RBM44: variants seen among roughly 807,000 people sequenced by gnomAD.
The protein encoded by RBM44 is RNA binding motif protein 44, also known as RNA-binding protein 44.
In RBM44, 66 loss-of-function variants were observed where a neutral mutation model predicts 105.1. The observed-to-expected ratio is 0.63, with a 90% confidence interval of 0.52 to 0.77. The LOEUF (loss-of-function observed/expected upper bound fraction) is 0.77. Among genes scored for constraint, RBM44 ranks in the 30% least tolerant of loss-of-function variants. RBM44 has a pLI of 0.00. For missense variants in RBM44, 1,122 were observed against 1,207.8 expected (o/e 0.93, Z 1.05); for synonymous variants, 365 against 417.6 (o/e 0.87, Z 1.54).
In RBM44 at chr2:237,829,297, A is replaced by G; in HGVS notation, c.2681A>G (p.Lys894Arg). ...KEMNGIEING[K>R]SVNVWPVKIL... ...ATGAATGGGATAGAAATAAATGGAA[A>G]GTCAGTAAATGTGTGGCCTGTTAAA... The change falls in exon 13 of 16, where the codon AAG becomes AGG. Residue 894 changes from lysine to arginine, a missense_variant. Physicochemically the swap from Lys to Arg is conservative, Grantham distance 26. This residue lies in a region of RBM44 where 194 missense variants were observed against 225.5 expected (regional missense o/e 0.86). Coordinates refer to ENST00000316997, the MANE Select transcript of RBM44 (RefSeq NM_001080504.3). 2 of 1,613,392 alleles carry G rather than the reference A, an allele frequency of 1.2e-6. No individual in the cohort carries two copies. The highest frequency in any genetic ancestry group is 4.5e-5 in the East Asian group (2 of 44,866).
rs1240702750 is a variant in RBM44 at position 237,817,538 on chromosome 2, A to G, written c.619A>G (p.Lys207Glu). The change falls in exon 3 of 16, where the codon AAA (lysine) becomes GAA (glutamate). Residue 207 changes from lysine (K) to glutamate (E), a missense_variant. Transcript: ENST00000316997. Reference protein sequence around the residue: ...ISNHLSFDQTKALDISNPEVV... With the variant: ...ISNHLSFDQTEALDISNPEVV... ...TAACCATTTATCTTTTGACCAAACA[A>G]AAGCATTAGATATATCTAATCCAGA... 1.9e-6 allele frequency: 3 copies of G among 1,611,124 alleles called. No individual in the cohort carries two copies. The highest frequency in any genetic ancestry group is 2.7e-5 in the African/African-American group (2 of 74,972).
At chr2:237,808,459 TC>T (rs560291812) in intron 1 of RBM44, among the ~76,000 whole-genome samples, 25 of 137,566 alleles carry the variant, frequency 1.8e-4, no homozygotes, top group Non-Finnish European at 3.6e-4. Flanking sequence ...CCTCACCCTC[TC>T]CCCCCAAAAA....
At chr2:237,831,986 C>T (rs2061908478) in intron 13 of RBM44, among the ~76,000 whole-genome samples, 1 of 152,084 alleles carries the variant, frequency 6.6e-6, no homozygotes, top group African/African-American at 2.4e-5. Flanking sequence ...CCTGCCTCTG[C>T]TCTCCCTGTG....
rs370973322 is a variant in RBM44, at chr2:237,800,919, G to A, written c.-19+2058G>A. ...TTTTTAGTAGAGACGGGTTTTCACC[G>A]TGTTGGCCAGGCTAGTCTCAAACTC... On this transcript the variant is annotated intron_variant, in intron 1 of 15. Coordinates refer to ENST00000316997, the MANE Select transcript of RBM44 (RefSeq NM_001080504.3). Among the ~76,000 whole-genome samples, 210 of 152,224 alleles carry A rather than the reference G, an allele frequency of 1.4e-3. 1 individual carries two copies. The highest frequency in any genetic ancestry group is 2.5e-3 in the Non-Finnish European group (168 of 68,004).
intron 13 of RBM44, among the ~76,000 whole-genome samples, chr2:237,832,953 A>T (rs965498878): frequency 1.3e-5 from 2 of 152,206 alleles, no homozygotes; most frequent in African/African-American, 2.4e-5. Flanking sequence ...ATACAGAAAA[A>T]TTTTTAGAAC....
chr2:237,800,451 A>G (rs1345566981), intron 1 of RBM44, among the ~76,000 whole-genome samples: 2 of 152,230 alleles, frequency 1.3e-5, no homozygotes, highest in Non-Finnish European at 2.9e-5. Flanking sequence ...GGGTGTCTTC[A>G]TATTTAAGAA....
intron 9 of RBM44, 97 bp downstream of exon 9, chr2:237,823,651 CTTAA>C (rs1275563646): frequency 1.6e-6 from 1 of 613,464 alleles, no homozygotes; most frequent in Non-Finnish European, 2.9e-6. Context: ...AATAAATTTT[CTTAA>C]TTGATGGAAA....
chr2:237,804,712 C>T (rs1417410410), intron 1 of RBM44, among the ~76,000 whole-genome samples: 5 of 152,184 alleles, frequency 3.3e-5, no homozygotes, highest in Admixed American at 3.3e-4. Flanking sequence ...GTAGCAGATG[C>T]ATAGTTTGCA....
At chr2:237,806,256 C>G (rs1299500021) in intron 1 of RBM44, among the ~76,000 whole-genome samples, 1 of 151,982 alleles carries the variant, frequency 6.6e-6, no homozygotes, top group Non-Finnish European at 1.5e-5. Flanking sequence ...GTCTCTTTTT[C>G]TTAGATACGT....
chr2:237,817,879 A>G lies in RBM44; in HGVS notation c.960A>G (p.Lys320=), dbSNP rs2061737877. Residue 320 remains lysine, a synonymous_variant, in exon 3 of 16, where the codon AAA becomes AAG. Transcript: ENST00000316997. ...AGAGTGGTTCCTTGAGCCCTCAAAA[A>G]GTATTAAAAATGAAAATTTATACTG... The part of the protein sequence containing the change: ...QSKSGSLSPQ[K]VLKMKIYTEN... The G allele has an allele frequency of 1.3e-6, 2 of 1,598,614 alleles. No individual in the cohort carries two copies. Among genetic ancestry groups the G allele is most frequent in the African/African-American group, 1.4e-5 (1 of 73,558 alleles).
chr2:237,821,214 A>G lies in RBM44; in HGVS notation c.2057A>G (p.Glu686Gly). The change falls in exon 6 of 16, where the codon GAA becomes GGA. Residue 686 changes from glutamate to glycine, a missense_variant. By Grantham distance (98) the Glu-to-Gly change is moderately conservative. Coordinates refer to ENST00000316997, the MANE Select transcript of RBM44 (RefSeq NM_001080504.3). ...GAAGAGCTGCCCCCACTGTCACTAG[A>G]ATCAAAATTATTATCTACCTTCTCT... ...PLEELPPLSL[E>G]SKLLSTFSTF... is the part of the protein sequence containing the mutation. 1 of 1,608,214 alleles carries G rather than the reference A, an allele frequency of 6.2e-7. No individual in the cohort carries two copies. Among genetic ancestry groups the G allele is most frequent in the Non-Finnish European group, 8.5e-7 (1 of 1,177,242 alleles).
intron 1 of RBM44, among the ~76,000 whole-genome samples, chr2:237,806,327 G>A (rs1360350273): frequency 1.3e-5 from 2 of 152,126 alleles, no homozygotes; most frequent in Admixed American, 6.5e-5. Flanking sequence ...ACAATTTCTG[G>A]TTCTATTAAC....
rs1285814131 is a variant in RBM44 at position 237,842,001 on chromosome 2, T to C, written c.*185T>C. Reference sequence around the variant, plus strand: ...CCTTTAAAATCTAGCAACAGTTGTCTATACAATATTAAGATCTTCTCTATA... The same window carrying C: ...CCTTTAAAATCTAGCAACAGTTGTCCATACAATATTAAGATCTTCTCTATA... On this transcript the variant is annotated 3_prime_UTR_variant, in exon 16 of 16. Transcript: ENST00000316997. The C allele has an allele frequency of 2.0e-5, 3 of 152,118 alleles. No homozygotes were observed. Among genetic ancestry groups the C allele is most frequent in the Non-Finnish European group, 4.4e-5 (3 of 67,968 alleles). 9.4% of individuals were successfully genotyped at this position (152,118 alleles called of 1,614,324 possible). A position where few individuals can be genotyped will look rare whatever the true frequency, so the allele number is the denominator to read the frequency against.
At chr2:237,827,540 G>A in intron 12 of RBM44, 37 bp downstream of exon 12, 2 of 1,162,928 alleles carry the variant, frequency 1.7e-6, no homozygotes, top group Admixed American at 2.1e-5. Context: ...GCATTATTAT[G>A]TGTCTGCTGT....
intron 5 of RBM44, chr2:237,820,756 A>T (rs893204842): frequency 1.9e-5 from 5 of 265,360 alleles, no homozygotes; most frequent in African/African-American, 1.1e-4. Flanking sequence ...GTAAAATTAG[A>T]ACCAAGTGGG....
At chr2:237,834,474 C>A in intron 15 of RBM44, 51 bp downstream of exon 15, 1 of 852,974 alleles carries the variant, frequency 1.2e-6, no homozygotes, top group Non-Finnish European at 1.7e-6. Context: ...AATTTATAAG[C>A]TATTGATTTC....
chr2:237,824,755 C>A (rs1370212445), intron 10 of RBM44, among the ~76,000 whole-genome samples: 1 of 152,146 alleles, frequency 6.6e-6, no homozygotes, highest in Admixed American at 6.5e-5. Context: ...TTCCCAGTTA[C>A]CACCAGGCAA....
Position 237,817,510 on chromosome 2 carries a change from A to G in RBM44, c.591A>G (p.Ile197Met), listed in dbSNP as rs1274718630. 1 of 1,607,916 alleles carries G rather than the reference A, an allele frequency of 6.2e-7. No homozygotes were observed. Among genetic ancestry groups the G allele is most frequent in the Non-Finnish European group, 8.5e-7 (1 of 1,176,624 alleles). Residue 197 changes from isoleucine (I) to methionine (M), a missense_variant, in exon 3 of 16, where the codon ATA becomes ATG. Ile to Met is a conservative substitution (Grantham distance 10, BLOSUM62 1). Coordinates refer to ENST00000316997, the MANE Select transcript of RBM44 (RefSeq NM_001080504.3). ...ACAGTGCAGAAGAACAAGAATACAT[A>G]AGTAACCATTTATCTTTTGACCAAA... ...EYHSAEEQEY[I>M]SNHLSFDQTK...
chr2:237,825,872 T>A (rs2061843238), intron 10 of RBM44, among the ~76,000 whole-genome samples: 1 of 152,176 alleles, frequency 6.6e-6, no homozygotes, highest in African/African-American at 2.4e-5. Context: ...CTCTATAGAA[T>A]ACATCATTAT....
Sources: allele counts gnomAD v4.1 joint callset (sites outside exome capture counted in the v4.1 genomes callset), GRCh38; gene constraint gnomAD v4.1.1; regional missense constraint gnomAD v4.1.1; transcripts MANE v1.5; gene names NCBI Gene and HGNC (gene_info 2026-07-23, HGNC 2026-07-21).